The following PCDH9 variants were observed in gnomAD, a reference collection of about 807,000 sequenced individuals.
PCDH9 encodes the protein protocadherin 9, also known as protocadherin-9.
In PCDH9, 24 loss-of-function variants were observed where a neutral mutation model predicts 70.6. That is an observed-to-expected ratio of 0.34 (90% CI 0.25 to 0.48). The LOEUF (loss-of-function observed/expected upper bound fraction) is 0.48. Among genes scored for constraint, PCDH9 ranks in the 20% least tolerant of loss-of-function variants. The pLI, the probability that PCDH9 is intolerant of heterozygous loss-of-function variation, is 0.99. For synonymous variants in PCDH9, 562 were observed against 558.5 expected, an observed-to-expected ratio of 1.01 and a Z score of -0.09; for missense variants, 1,281 against 1,503.6, an observed-to-expected ratio of 0.85 and a Z score of 2.45.
intron 3 of PCDH9, among the ~76,000 whole-genome samples, chr13:66,846,330 A>G (rs985693908): frequency 6.6e-6 from 1 of 152,170 alleles, no homozygotes; most frequent in African/African-American, 2.4e-5. Context: ...TCAAATGTCA[A>G]TAAAAATTAG....
intron 2 of PCDH9, among the ~76,000 whole-genome samples, chr13:67,190,019 T>C (rs1423027387): frequency 6.6e-6 from 1 of 152,084 alleles, no homozygotes; most frequent in East Asian, 1.9e-4. Context: ...TATGCCCTTC[T>C]TGACATTAAA....
At chr13:66,756,373 C>T (rs927566) in intron 3 of PCDH9, among the ~76,000 whole-genome samples, 76,498 of 151,986 alleles carry the variant, frequency 0.5, 21,588 homozygotes, top group Middle Eastern at 0.65. Flanking sequence ...AGAAGACTAT[C>T]AAGTCTGAAA....
At chr13:66,472,628 C>G (rs1958642550) in intron 4 of PCDH9, among the ~76,000 whole-genome samples, 1 of 152,114 alleles carries the variant, frequency 6.6e-6, no homozygotes, top group African/African-American at 2.4e-5. Flanking sequence ...TTTCGATTGT[C>G]TTACTTGAAG....
intron 2 of PCDH9, among the ~76,000 whole-genome samples, chr13:67,128,829 C>T (rs958724589): frequency 2.6e-5 from 4 of 152,102 alleles, no homozygotes; most frequent in African/African-American, 9.7e-5. Context: ...AGCAGCAAGC[C>T]TACAATCCTA....
intron 2 of PCDH9, among the ~76,000 whole-genome samples, chr13:67,085,133 T>C (rs2086081185): frequency 6.6e-6 from 1 of 150,706 alleles, no homozygotes; most frequent in African/African-American, 2.4e-5. Context: ...GAAAATTTCA[T>C]TCTCTATGTT....
chr13:66,536,924 A>T (rs1047299700), intron 4 of PCDH9, among the ~76,000 whole-genome samples: 3 of 152,086 alleles, frequency 2.0e-5, no homozygotes, highest in Admixed American at 2.0e-4. Context: ...GTTTCCTATG[A>T]CTCAGTCAAC....
At chr13:66,690,666 A>G (rs2078470502) in intron 3 of PCDH9, among the ~76,000 whole-genome samples, 1 of 152,202 alleles carries the variant, frequency 6.6e-6, no homozygotes, top group South Asian at 2.1e-4. Context: ...AAAGGAAATC[A>G]TCATTTTACA....
chr13:67,021,939 T>C (rs1037012019), intron 2 of PCDH9, among the ~76,000 whole-genome samples: 1 of 152,042 alleles, frequency 6.6e-6, no homozygotes, highest in African/African-American at 2.4e-5. Context: ...TATATAAGTA[T>C]GTATATAACA....
chr13:66,596,095 C>T (rs1299072264), intron 4 of PCDH9, among the ~76,000 whole-genome samples: 1 of 151,642 alleles, frequency 6.6e-6, no homozygotes, highest in Middle Eastern at 3.4e-3. Context: ...ATATTAGATT[C>T]CCATGATTCA....
chr13:66,684,515 G>T (rs2078373047), intron 3 of PCDH9, among the ~76,000 whole-genome samples: 2 of 152,114 alleles, frequency 1.3e-5, no homozygotes. Flanking sequence ...CAGTGAATGA[G>T]TTCCCACAAG....
intron 2 of PCDH9, among the ~76,000 whole-genome samples, chr13:67,160,429 C>T (rs2087924771): frequency 6.6e-6 from 1 of 152,056 alleles, no homozygotes; most frequent in Non-Finnish European, 1.5e-5. Flanking sequence ...CGCCTGTAGT[C>T]CCAGCTATTC....
intron 4 of PCDH9, among the ~76,000 whole-genome samples, chr13:66,448,365 G>A (rs1958139490): frequency 6.6e-6 from 1 of 152,182 alleles, no homozygotes; most frequent in South Asian, 2.1e-4. Context: ...CTGAGTGAAT[G>A]CCATGTTTTA....
intron 3 of PCDH9, among the ~76,000 whole-genome samples, chr13:66,663,256 A>G (rs1254856013): frequency 2.0e-5 from 3 of 152,184 alleles, no homozygotes; most frequent in Non-Finnish European, 2.9e-5. Context: ...ATAAAAAAGT[A>G]TATTTATCCA....
chr13:67,160,270 G>C (rs967775937), intron 2 of PCDH9, among the ~76,000 whole-genome samples: 1 of 152,218 alleles, frequency 6.6e-6, no homozygotes, highest in African/African-American at 2.4e-5. Context: ...ACCTGGCCGG[G>C]TGCGGTGGCT....
At chr13:67,053,659 C>T (rs557193851) in intron 2 of PCDH9, among the ~76,000 whole-genome samples, 1 of 152,232 alleles carries the variant, frequency 6.6e-6, no homozygotes, top group South Asian at 2.1e-4. Context: ...ATACGAAATA[C>T]CTTTGTGATT....
At chr13:67,190,218 C>T (rs888200854) in intron 2 of PCDH9, among the ~76,000 whole-genome samples, 6 of 151,940 alleles carry the variant, frequency 3.9e-5, no homozygotes, top group Admixed American at 6.6e-5. Flanking sequence ...CCCTTTGATA[C>T]CCAGTTCATC....
At chr13:66,531,814 T>A (rs1960468398) in intron 4 of PCDH9, among the ~76,000 whole-genome samples, 1 of 152,178 alleles carries the variant, frequency 6.6e-6, no homozygotes, top group Non-Finnish European at 1.5e-5. Context: ...AAGGTAGATT[T>A]CCACTGAATG....
chr13:66,598,130 T>C (rs1197051019), intron 4 of PCDH9, among the ~76,000 whole-genome samples: 2 of 151,814 alleles, frequency 1.3e-5, no homozygotes, highest in Non-Finnish European at 2.9e-5. Flanking sequence ...TTTACACTGT[T>C]GGTGGGAATG....
chr13:66,704,808 ACTTAATTTG>A (rs2078690450), intron 3 of PCDH9, among the ~76,000 whole-genome samples: 1 of 152,118 alleles, frequency 6.6e-6, no homozygotes, highest in South Asian at 2.1e-4. Context: ...GGTGTAAGGC[ACTTAATTTG>A]CTCACTTTTA....
Sources: gnomAD v4.1 joint callset for allele counts (sites outside exome capture counted in the v4.1 genomes callset) on GRCh38, gnomAD v4.1.1 for gene constraint, MANE v1.5 for transcripts, NCBI Gene and HGNC (gene_info 2026-07-23, HGNC 2026-07-21) for gene names.